LRP1B: variants seen among roughly 807,000 people sequenced by gnomAD.
LRP1B encodes low-density lipoprotein receptor-related protein 1B.
Under a neutral mutation model 556.6 loss-of-function variants are expected in LRP1B, and 217 were observed. That is an observed-to-expected ratio of 0.39 (90% CI 0.35 to 0.44). The LOEUF (loss-of-function observed/expected upper bound fraction) is 0.44, where lower values mean the gene tolerates loss of function less well. Among genes scored for constraint, LRP1B ranks in the 20% least tolerant of loss-of-function variants. The pLI is 1.00. For missense variants in LRP1B, 5,053 were observed against 5,620.8 expected (o/e 0.90, Z 3.23); for synonymous variants, 2,047 against 1,865.8 (o/e 1.10, Z -2.50).
chr2:141,846,775 G>T (rs549176452), intron 1 of LRP1B, among the ~76,000 whole-genome samples: 2 of 151,122 alleles, frequency 1.3e-5, no homozygotes, highest in African/African-American at 4.8e-5. Flanking sequence ...ACATAGGATC[G>T]TGAACGATAT....
intron 2 of LRP1B, among the ~76,000 whole-genome samples, chr2:141,579,724 C>CTTTTTTTTTTTTTTTTTTTTGTTTT (rs33913417): frequency 9.9e-6 from 1 of 101,002 alleles, no homozygotes; most frequent in African/African-American, 4.4e-5. Context: ...TCAGGTTTCA[C>CTTTTTTTTTTTTTTTTTTTTGTTTT]TTTTTTTTTT....
At chr2:140,861,133 G>C (rs748802797) in intron 27 of LRP1B, among the ~76,000 whole-genome samples, 1 of 152,106 alleles carries the variant, frequency 6.6e-6, no homozygotes, top group African/African-American at 2.4e-5. Flanking sequence ...GTGGCCGGGC[G>C]CAGTGGCTCA....
chr2:140,721,350 G>A (rs1687392743), intron 35 of LRP1B, among the ~76,000 whole-genome samples: 1 of 151,886 alleles, frequency 6.6e-6, no homozygotes, highest in Admixed American at 6.6e-5. Flanking sequence ...TAAACTACAG[G>A]ACTTTACATT....
At chr2:141,738,857 T>C (rs1343144808) in intron 2 of LRP1B, among the ~76,000 whole-genome samples, 1 of 152,138 alleles carries the variant, frequency 6.6e-6, no homozygotes, top group African/African-American at 2.4e-5. Context: ...ATGCCCACAT[T>C]TGTAAAAAAG....
chr2:140,676,920 T>A (rs1685690010), intron 41 of LRP1B, among the ~76,000 whole-genome samples: 1 of 152,250 alleles, frequency 6.6e-6, no homozygotes, highest in African/African-American at 2.4e-5. Flanking sequence ...ACATTCTAAC[T>A]CTCTAGTTTT....
chr2:140,537,963 C>T (rs1482471753), intron 45 of LRP1B, among the ~76,000 whole-genome samples: 2 of 152,032 alleles, frequency 1.3e-5, no homozygotes, highest in African/African-American at 2.4e-5. Flanking sequence ...CGTACTCACC[C>T]CATTGCTTGC....
At chr2:142,002,931 C>T (rs1454314694) in intron 1 of LRP1B, among the ~76,000 whole-genome samples, 1 of 152,206 alleles carries the variant, frequency 6.6e-6, no homozygotes, top group East Asian at 1.9e-4. Flanking sequence ...ACTTTTGTTC[C>T]ACTCTCTAAT....
At chr2:140,781,005 T>C (rs1049038553) in intron 32 of LRP1B, among the ~76,000 whole-genome samples, 10 of 152,162 alleles carry the variant, frequency 6.6e-5, no homozygotes, top group Admixed American at 6.6e-4. Flanking sequence ...TGAAACTCAG[T>C]TCTGGATCAT....
intron 2 of LRP1B, among the ~76,000 whole-genome samples, chr2:141,601,643 C>CTTCCT (rs771063608): frequency 8.4e-4 from 109 of 130,318 alleles, no homozygotes; most frequent in African/African-American, 2.7e-3. Flanking sequence ...TCCTTCCTTC[C>CTTCCT]TTTTTTTTTC....
chr2:141,469,042 T>C (rs1199381379), intron 3 of LRP1B, among the ~76,000 whole-genome samples: 4 of 48,378 alleles, frequency 8.3e-5, no homozygotes, highest in Non-Finnish European at 2.2e-4. Context: ...GGTTTCAAGA[T>C]TTTTCTTAAT....
In LRP1B at chr2:140,273,450, G is replaced by A. The variant is rs575297106; in HGVS notation, c.13142+974C>T. Among the ~76,000 whole-genome samples the A allele has an allele frequency of 1.2e-4, 19 of 152,020 alleles. No individual in the cohort carries two copies. The East Asian group carries it at 1.9e-3, about 16-fold the overall frequency. The stretch of plus-strand genomic sequence containing the variant: ...AAATATCCCAATTTTGCAGGTTTGC[G>A]TAAATGTCATTCATAATGATAATAC... On this transcript the variant is annotated intron_variant, in intron 85 of 90. Coordinates refer to ENST00000389484, the MANE Select transcript of LRP1B (RefSeq NM_018557.3).
intron 2 of LRP1B, among the ~76,000 whole-genome samples, chr2:141,648,070 G>A (rs1337918456): frequency 6.6e-6 from 1 of 151,976 alleles, no homozygotes; most frequent in East Asian, 1.9e-4. Context: ...AGATGTTATG[G>A]TGAGACGAAT....
At chr2:140,632,376 T>C (rs956828076) in intron 41 of LRP1B, among the ~76,000 whole-genome samples, 1 of 152,052 alleles carries the variant, frequency 6.6e-6, no homozygotes, top group African/African-American at 2.4e-5. Context: ...GAAGAAGAAA[T>C]AGGGAAAACT....
chr2:141,177,732 GTTCCAATA>G, intron 7 of LRP1B, among the ~76,000 whole-genome samples: 1 of 152,044 alleles, frequency 6.6e-6, no homozygotes, highest in East Asian at 1.9e-4. Flanking sequence ...TTTTCTAATA[GTTCCAATA>G]TTAGAACTTC....
chr2:141,437,581 C>T (rs1680809173), intron 3 of LRP1B, among the ~76,000 whole-genome samples: 1 of 151,942 alleles, frequency 6.6e-6, no homozygotes, highest in African/African-American at 2.4e-5. Context: ...TTTTAATTAA[C>T]TTCCAACTAC....
chr2:141,047,329 A>C (rs1217623725), intron 11 of LRP1B, among the ~76,000 whole-genome samples: 2 of 152,104 alleles, frequency 1.3e-5, no homozygotes, highest in Admixed American at 1.3e-4. Context: ...TATTAAAGAC[A>C]AAAACAGGTA....
rs906586145 is a variant in LRP1B, at chr2:140,352,852, A to T, written c.11650+101T>A. On this transcript the variant is annotated intron_variant, in intron 76 of 90. Coordinates refer to ENST00000389484, the MANE Select transcript of LRP1B (RefSeq NM_018557.3). The stretch of plus-strand genomic sequence containing the variant: ...TAATCATCATTAAAAGTATTTTATC[A>T]GAAATGAAGCTGTTGCTGGAATGAA... The T allele has an allele frequency of 3.1e-5, 36 of 1,151,484 alleles. No homozygotes were observed. The Middle Eastern group carries it at 9.0e-4, about 29-fold the overall frequency. The allele number at this position is 1,151,484 out of a possible 1,614,324, so 71.3% of individuals were successfully genotyped here. A position where few individuals can be genotyped will look rare whatever the true frequency, so the allele number is the denominator to read the frequency against.
intron 1 of LRP1B, among the ~76,000 whole-genome samples, chr2:141,964,084 G>A (rs1701486622): frequency 7.2e-6 from 1 of 139,204 alleles, no homozygotes; most frequent in East Asian, 2.1e-4. Context: ...ACTGCTCAAG[G>A]AAATAAAAGA....
At chr2:140,929,768 A>ACACACACACG (rs1694995092) in intron 20 of LRP1B, among the ~76,000 whole-genome samples, 1 of 150,494 alleles carries the variant, frequency 6.6e-6, no homozygotes, top group Non-Finnish European at 1.5e-5. Flanking sequence ...ACACACACAC[A>ACACACACACG]CACACACACA....
Sources: gnomAD v4.1 joint callset for allele counts (sites outside exome capture counted in the v4.1 genomes callset) on GRCh38, gnomAD v4.1.1 for gene constraint, MANE v1.5 for transcripts, NCBI Gene and HGNC (gene_info 2026-07-23, HGNC 2026-07-21) for gene names.